Variants in CACNA1G observed in about 807,000 individuals in gnomAD.
The protein encoded by CACNA1G is voltage-dependent T-type calcium channel subunit alpha-1G.
In CACNA1G, 67 loss-of-function variants were observed where a neutral mutation model predicts 219.4. The ratio of observed to expected loss-of-function variants is 0.31; its 90% CI spans 0.25 to 0.37. The LOEUF is 0.37. CACNA1G is among the 10% of genes least tolerant of loss of function. The pLI is 1.00. For missense variants in CACNA1G, 2,380 were observed against 3,231.4 expected (o/e 0.74, Z 6.39); for synonymous variants, 1,296 against 1,345.3 (o/e 0.96, Z 0.80).
intron 1 of CACNA1G, chr17:50,561,915 T>A (rs1567931238): frequency 9.5e-6 from 2 of 210,780 alleles, no homozygotes; most frequent in Admixed American, 7.1e-5. Context: ...TTACCCCACC[T>A]GCGTACACAC....
chr17:50,561,517 A>T lies in CACNA1G; in HGVS notation c.58A>T (p.Met20Leu). The T allele has an allele frequency of 6.5e-7, 1 of 1,537,066 alleles. No individual in the cohort carries two copies. The highest frequency in any genetic ancestry group is 1.2e-5 in the South Asian group (1 of 84,022). Residue 20 changes from methionine (M) to leucine (L), a missense_variant, in exon 1 of 38, where the codon ATG (methionine) becomes TTG (leucine). Physicochemically the swap from Met to Leu is conservative, Grantham distance 15. Around this residue, in one of 17 missense-constraint regions of CACNA1G, gnomAD observed 98 missense variants for 85.5 expected, o/e 1.15. Transcript: ENST00000359106. Reference protein sequence around the residue: ...AEESGQPRSFMRLNDLSGAGG... With the variant: ...AEESGQPRSFLRLNDLSGAGG... ...GGAGTCGGGACAGCCCCGGAGCTTC[A>T]TGCGGCTCAACGACCTGTCGGGGGC...
chr17:50,580,844 A>C (rs1294519354), intron 9 of CACNA1G, among the ~76,000 whole-genome samples: 2 of 152,202 alleles, frequency 1.3e-5, no homozygotes, highest in African/African-American at 4.8e-5. Context: ...GAGAGTAAGA[A>C]GTCCCAGAAG....
At chr17:50,588,456 C>T (rs893806282) in intron 9 of CACNA1G, among the ~76,000 whole-genome samples, 8 of 84,814 alleles carry the variant, frequency 9.4e-5, no homozygotes, top group African/African-American at 3.9e-4. Context: ...TGCCGACTCC[C>T]GCTCCCTGGC....
chr17:50,565,209 A>C (rs898047281), intron 1 of CACNA1G, among the ~76,000 whole-genome samples: 2 of 152,028 alleles, frequency 1.3e-5, no homozygotes, highest in Non-Finnish European at 2.9e-5. Context: ...CCTTCCAAAG[A>C]TTCCAGCGGG....
chr17:50,576,538 A>G (rs2040703123), intron 8 of CACNA1G, among the ~76,000 whole-genome samples: 1 of 152,252 alleles, frequency 6.6e-6, no homozygotes, highest in African/African-American at 2.4e-5. Flanking sequence ...ACATTGTAAT[A>G]GCAGTAACTA....
chr17:50,605,911 A>G lies in CACNA1G; in HGVS notation c.4310A>G (p.Lys1437Arg). The G allele has an allele frequency of 6.2e-7, 1 of 1,613,352 alleles. No homozygotes were observed. Among genetic ancestry groups the G allele is most frequent in the Non-Finnish European group, 8.5e-7 (1 of 1,179,878 alleles). Residue 1437 changes from lysine (K) to arginine (R), a missense_variant, in exon 23 of 38, where the codon AAG (lysine) becomes AGG (arginine). Coordinates refer to ENST00000359106, the MANE Select transcript of CACNA1G (RefSeq NM_018896.5). ...ATGTGTGTCCAGCTCTTCAAAGGGAAGTTTTTCGTGTGCCAGGGCGAGGAT... is the reference window on the plus strand; with the variant it reads ...ATGTGTGTCCAGCTCTTCAAAGGGAGGTTTTTCGTGTGCCAGGGCGAGGAT... ...GILGVQLFKG[K>R]FFVCQGEDTR... is the part of the protein sequence containing the mutation.
rs2053881383 is a variant in CACNA1G at position 50,626,698 on chromosome 17, G to A, written c.7081G>A (p.Asp2361Asn). The change falls in exon 38 of 38, where the codon GAT (aspartate) becomes AAT (asparagine). Residue 2361 changes from aspartate (D) to asparagine (N), a missense_variant. Coordinates refer to ENST00000359106, the MANE Select transcript of CACNA1G (RefSeq NM_018896.5). The surrounding 1 kb of genome is among the most constrained non-coding windows in gnomAD (Gnocchi z 4.3). ...SMAASPSPKK[D>N]VLSLSGLSSD... is the part of the protein sequence containing the mutation. Reference sequence around the variant, plus strand: ...GGCTGCCTCGCCCTCCCCAAAGAAAGATGTGCTGAGTCTCTCCGGTTTATC... The same window carrying A: ...GGCTGCCTCGCCCTCCCCAAAGAAAAATGTGCTGAGTCTCTCCGGTTTATC... 4 of 1,613,224 alleles carry A rather than the reference G, an allele frequency of 2.5e-6. No homozygotes were observed. Among genetic ancestry groups the A allele is most frequent in the Non-Finnish European group, 3.4e-6 (4 of 1,179,870 alleles).
chr17:50,601,280 A>T (rs2046575449), intron 19 of CACNA1G, 106 bp downstream of exon 19: 1 of 1,377,876 alleles, frequency 7.3e-7, no homozygotes, highest in South Asian at 1.3e-5. Flanking sequence ...GTCACACAGC[A>T]GGGAACGAGG....
chr17:50,598,524 T>C (rs1360395656), intron 16 of CACNA1G, among the ~76,000 whole-genome samples: 1 of 152,270 alleles, frequency 6.6e-6, no homozygotes, highest in African/African-American at 2.4e-5. Context: ...TTGAGGAACC[T>C]GCATACCGTT....
chr17:50,589,894 T>TTCTCTCTCTC (rs35679930), intron 9 of CACNA1G, among the ~76,000 whole-genome samples: 1 of 138,832 alleles, frequency 7.2e-6, no homozygotes, highest in African/African-American at 2.8e-5. Context: ...GCGTGCATTT[T>TTCTCTCTCTC]TCTCTCTCTC....
At chr17:50,590,421 G>A (rs377117424) in intron 9 of CACNA1G, 50 bp from the exon 10 acceptor site, 258 of 1,604,212 alleles carry the variant, frequency 1.6e-4, no homozygotes, top group Non-Finnish European at 2.1e-4. Context: ...GGACTGGATC[G>A]AGGGGCTCAG....
In CACNA1G at chr17:50,572,848, C is replaced by T; in HGVS notation, c.1041C>T (p.Ile347=). The stretch of plus-strand genomic sequence containing the variant: ...ACATTGGCTATGCCTGGATCGCCAT[C>T]TTCCAGGTGGGGCAGCCTGGGCCCC... ...FDNIGYAWIA[I]FQVITLEGWV... is the part of the protein sequence containing the mutation. Residue 347 remains isoleucine, a synonymous_variant, in exon 6 of 38, where the codon ATC becomes ATT. Transcript: ENST00000359106. The T allele has an allele frequency of 1.2e-6, 2 of 1,611,794 alleles. No individual in the cohort carries two copies. Among genetic ancestry groups the T allele is most frequent in the African/African-American group, 1.3e-5 (1 of 75,022 alleles).
intron 34 of CACNA1G, among the ~76,000 whole-genome samples, 174 bp downstream of exon 34, chr17:50,620,000 T>A (rs1228313411): frequency 6.6e-6 from 1 of 152,078 alleles, no homozygotes; most frequent in Non-Finnish European, 1.5e-5. Flanking sequence ...TAGACTGAGA[T>A]CACCTCCAGA....
At position 50,609,903 on chromosome 17, in the gene CACNA1G, T is replaced by C; in HGVS notation, c.4727T>C (p.Ile1576Thr). The C allele has an allele frequency of 1.2e-6, 2 of 1,611,632 alleles. No homozygotes were observed. The highest frequency in any genetic ancestry group is 1.7e-6 in the Non-Finnish European group (2 of 1,179,788). Residue 1576 changes from isoleucine (I) to threonine (T), a missense_variant, in exon 26 of 38, where the codon ATT becomes ACT. Ile to Thr is a moderately conservative substitution (Grantham distance 89). Transcript: ENST00000359106. ...KRRNLMLDDV[I>T]ASGSSASAAS... ...TTAGATCTAATGCTGGACGATGTAA[T>C]TGCTTCCGGCAGCTCAGCCAGCGCT...
At position 50,578,704 on chromosome 17, in the gene CACNA1G, G is replaced by T. The variant is rs1006895735; in HGVS notation, c.2301+140G>T. On this transcript the variant is annotated intron_variant, in intron 9 of 37. Transcript: ENST00000359106. This position sits in a 1 kb window ranked among gnomAD's most constrained non-coding sequence, Gnocchi z 4.5. ...GCCCACCTGGCAGGTAGGAGGGGAG[G>T]TGGGTGATGGAGCAATGCATGGGGA... 8.5e-6 allele frequency: 7 copies of T among 821,464 alleles called. No homozygotes were observed. In the East Asian group the frequency reaches 1.6e-4, roughly 19 times the overall value. 50.9% of individuals were successfully genotyped at this position (821,464 alleles called of 1,614,324 possible). A position where few individuals can be genotyped will look rare whatever the true frequency, so the allele number is the denominator to read the frequency against.
At chr17:50,625,515 G>A (rs2053540430) in intron 37 of CACNA1G, among the ~76,000 whole-genome samples, 1 of 152,252 alleles carries the variant, frequency 6.6e-6, no homozygotes, top group African/African-American at 2.4e-5. Flanking sequence ...ACACCTATGT[G>A]TGGAGGGCAG....
chr17:50,575,439 C>T, intron 7 of CACNA1G, 104 bp from the exon 8 acceptor site: 1 of 1,154,040 alleles, frequency 8.7e-7, no homozygotes, highest in African/African-American at 1.6e-5. Flanking sequence ...TGGAAAATAA[C>T]TGAGCGTGGC....
At chr17:50,588,457 G>A (rs188134557) in intron 9 of CACNA1G, among the ~76,000 whole-genome samples, 3 of 152,232 alleles carry the variant, frequency 2.0e-5, no homozygotes, top group Non-Finnish European at 2.9e-5. Flanking sequence ...GCCGACTCCC[G>A]CTCCCTGGCA....
intron 1 of CACNA1G, among the ~76,000 whole-genome samples, chr17:50,568,004 C>A (rs2038392009): frequency 6.6e-6 from 1 of 152,194 alleles, no homozygotes; most frequent in African/African-American, 2.4e-5. Context: ...GGCTTGGGAG[C>A]TATGCCCAGC....
Sources: gnomAD v4.1 joint callset for allele counts (sites outside exome capture counted in the v4.1 genomes callset) on GRCh38, gnomAD v4.1.1 for gene constraint, gnomAD v4.1.1 regional missense constraint, Gnocchi (gnomAD v3.1) non-coding constraint, MANE v1.5 for transcripts, NCBI Gene and HGNC (gene_info 2026-07-23, HGNC 2026-07-21) for gene names.